Variants in PAK3 observed in about 807,000 individuals in gnomAD.
PAK3 encodes p21 (RAC1) activated kinase 3.
PAK3 carries 4 observed loss-of-function variants against 41.0 expected under a neutral mutation model. The observed-to-expected ratio is 0.10, with a 90% CI of 0.05 to 0.22. PAK3 has a LOEUF of 0.22. PAK3 is among the 10% of genes least tolerant of loss of function. The pLI is 1.00. For synonymous variants in PAK3, 146 were observed against 139.6 expected, an observed-to-expected ratio of 1.05 and a Z score of -0.32; for missense variants, 205 against 409.9, an observed-to-expected ratio of 0.50 and a Z score of 4.32.
At chrX:111,112,963 C>T (rs756101140) in intron 4 of PAK3, among the ~76,000 whole-genome samples, 8 of 111,659 alleles carry the variant, frequency 7.2e-5, no homozygotes, top group Non-Finnish European at 1.5e-4. Flanking sequence ...TTATTTTCTT[C>T]CAGAGTTTTG....
chrX:111,092,858 A>G (rs1307343839), upstream of PAK3, among the ~76,000 whole-genome samples: 2 of 111,793 alleles, frequency 1.8e-5, no homozygotes, highest in African/African-American at 6.5e-5. Flanking sequence ...GAATATATTC[A>G]TAATCAGATT....
At chrX:111,167,254 T>C (rs1186312958) in intron 10 of PAK3, among the ~76,000 whole-genome samples, 2 of 110,775 alleles carry the variant, frequency 1.8e-5, no homozygotes, top group African/African-American at 6.6e-5. Flanking sequence ...AAAGGCCACA[T>C]TGGAGCTTGG....
At chrX:110,948,725 C>T (rs959075128) in intron 1 of PAK3, among the ~76,000 whole-genome samples, 3 of 111,285 alleles carry the variant, frequency 2.7e-5, no homozygotes, top group East Asian at 2.8e-4. Context: ...TCAAGACATT[C>T]GGGTTGCTGG....
intron 1 of PAK3, among the ~76,000 whole-genome samples, chrX:111,018,015 A>AT (rs1462917249): frequency 3.6e-5 from 4 of 111,815 alleles, no homozygotes; most frequent in Non-Finnish European, 7.5e-5. Context: ...CAGAAAGAGC[A>AT]TTTTACAAAA....
intron 17 of PAK3, chrX:111,217,806 C>T: frequency 8.5e-6 from 1 of 117,598 alleles, no homozygotes; most frequent in Admixed American, 9.4e-5. Flanking sequence ...ACCCCTCCCA[C>T]CACTCCACAT....
intron 1 of PAK3, among the ~76,000 whole-genome samples, chrX:111,076,395 A>G (rs1225166751): frequency 9.0e-6 from 1 of 111,618 alleles, no homozygotes; most frequent in Non-Finnish European, 1.9e-5. Flanking sequence ...ATTATTGTGC[A>G]ATTCATACAC....
At chrX:111,093,858 A>G (rs768386933), upstream of PAK3, among the ~76,000 whole-genome samples, 2 of 112,432 alleles carry the variant, frequency 1.8e-5, no homozygotes, top group South Asian at 7.4e-4. Context: ...ATACCTTCTC[A>G]TTACAAGTTA....
chrX:111,087,134 AGT>A (rs112857612), intron 1 of PAK3, among the ~76,000 whole-genome samples: 8,075 of 95,267 alleles, frequency 0.085, 441 homozygotes, highest in African/African-American at 0.17. Context: ...TGAACAAGTA[AGT>A]GTGTGTGTGT....
At chrX:111,172,427 T>G (rs2094354588) in intron 10 of PAK3, among the ~76,000 whole-genome samples, 1 of 111,536 alleles carries the variant, frequency 9.0e-6, no homozygotes, top group African/African-American at 3.3e-5. Context: ...TGCTGAGGCT[T>G]GGGACTCTAA....
At chrX:111,174,513 G>A (rs757879347) in intron 11 of PAK3, among the ~76,000 whole-genome samples, 2 of 111,686 alleles carry the variant, frequency 1.8e-5, no homozygotes, top group Non-Finnish European at 3.8e-5. Flanking sequence ...GTCTCTAGAA[G>A]CTTCCTGTCA....
chrX:111,041,593 C>T (rs1419972383), intron 1 of PAK3, among the ~76,000 whole-genome samples: 2 of 111,691 alleles, frequency 1.8e-5, no homozygotes, highest in African/African-American at 6.5e-5. Flanking sequence ...CTGCCTCCCT[C>T]ACTGTACCCC....
intron 1 of PAK3, among the ~76,000 whole-genome samples, chrX:111,053,318 G>T (rs1412716461): frequency 9.0e-6 from 1 of 111,510 alleles, no homozygotes; most frequent in Admixed American, 9.5e-5. Context: ...TGCTACCAGT[G>T]TCAGTGCAAA....
chrX:111,188,202 CA>C (rs374293493), intron 11 of PAK3, among the ~76,000 whole-genome samples: 1 of 102,364 alleles, frequency 9.8e-6, no homozygotes, highest in Admixed American at 1.1e-4. Flanking sequence ...TGCTGGAGGA[CA>C]AAAAAAAACA....
At chrX:111,174,963 T>C (rs768594194) in intron 11 of PAK3, among the ~76,000 whole-genome samples, 62 of 111,489 alleles carry the variant, frequency 5.6e-4, no homozygotes, top group African/African-American at 2.0e-3. Flanking sequence ...CTACTTCTGG[T>C]GGACTTGTTG....
At chrX:111,053,237 C>T in intron 1 of PAK3, among the ~76,000 whole-genome samples, 1 of 110,244 alleles carries the variant, frequency 9.1e-6, no homozygotes. Flanking sequence ...CCATTACTGG[C>T]TTAGGAGGGG....
At chrX:111,178,083 T>C (rs945090844) in intron 11 of PAK3, among the ~76,000 whole-genome samples, 5 of 111,256 alleles carry the variant, frequency 4.5e-5, no homozygotes, top group African/African-American at 1.6e-4. Flanking sequence ...CAGTGACCTC[T>C]ATACTTGTGG....
In PAK3 at chrX:110,951,524, C is replaced by T. The variant is rs745659243; in HGVS notation, c.-28+6896C>T. ...ATATTTCTAGCAAGTTACACTCCAA[C>T]TACAGTGTATACAAGTACATTTTCC... On this transcript the variant is annotated intron_variant, in intron 1 of 14. Coordinates refer to the PAK3 transcript ENST00000425146. Among the ~76,000 whole-genome samples, 57 of 112,057 alleles carry T rather than the reference C, an allele frequency of 5.1e-4. 1 individual carries two copies. Among genetic ancestry groups the T allele is most frequent in the African/African-American group, 1.8e-3 (55 of 30,910 alleles).
At chrX:111,111,583 G>A (rs1173330569) in intron 4 of PAK3, among the ~76,000 whole-genome samples, 2 of 111,652 alleles carry the variant, frequency 1.8e-5, no homozygotes, top group Non-Finnish European at 3.8e-5. Context: ...TATTACAGGT[G>A]GTCTAATGGT....
chrX:110,999,834 C>G (rs1372285428), intron 1 of PAK3, among the ~76,000 whole-genome samples: 1 of 110,529 alleles, frequency 9.0e-6, no homozygotes, highest in Non-Finnish European at 1.9e-5. Flanking sequence ...ATTAGCCAGG[C>G]ATGTTGGCAG....
Sources: gnomAD v4.1 joint callset for allele counts (sites outside exome capture counted in the v4.1 genomes callset) on GRCh38, gnomAD v4.1.1 for gene constraint, MANE v1.5 for transcripts, NCBI Gene and HGNC (gene_info 2026-07-23, HGNC 2026-07-21) for gene names.